Variants in MIPEP observed in about 807,000 individuals in gnomAD.
MIPEP encodes the protein mitochondrial intermediate peptidase.
Under a neutral mutation model 90.3 loss-of-function variants are expected in MIPEP, and 79 were observed. The ratio of observed to expected loss-of-function variants is 0.87; its 90% CI spans 0.73 to 1.05. MIPEP has a LOEUF of 1.05. Ranked by LOEUF, MIPEP falls within the 50% of genes least tolerant of loss-of-function variation. MIPEP has a pLI of 0.00. For missense variants in MIPEP, 940 were observed against 905.6 expected (o/e 1.04, Z -0.49); for synonymous variants, 334 against 315.8 (o/e 1.06, Z -0.61).
At chr13:23,801,245 T>C (rs79863311) in intron 16 of MIPEP, among the ~76,000 whole-genome samples, 2,507 of 152,314 alleles carry the variant, frequency 0.016, 68 homozygotes, top group African/African-American at 0.051. Context: ...GCCTTGCAGT[T>C]GTCCCATTCC....
intron 17 of MIPEP, among the ~76,000 whole-genome samples, chr13:23,759,632 A>G (rs1462056847): frequency 4.6e-5 from 7 of 152,056 alleles, no homozygotes; most frequent in Non-Finnish European, 1.0e-4. Flanking sequence ...CTTTAGAAAG[A>G]GATTGGGAAA....
chr13:23,779,887 C>T (rs1032353875), intron 16 of MIPEP, among the ~76,000 whole-genome samples: 5 of 152,226 alleles, frequency 3.3e-5, no homozygotes, highest in Non-Finnish European at 7.3e-5. Context: ...GATTGATCTG[C>T]AAGGCAGCAG....
chr13:23,780,366 A>G (rs1952767403), intron 16 of MIPEP, among the ~76,000 whole-genome samples: 1 of 152,204 alleles, frequency 6.6e-6, no homozygotes, highest in South Asian at 2.1e-4. Flanking sequence ...ACCTCCAGCA[A>G]ACTCCAACAG....
chr13:23,839,429 T>C (rs928547945), intron 12 of MIPEP, among the ~76,000 whole-genome samples: 4 of 152,240 alleles, frequency 2.6e-5, no homozygotes, highest in African/African-American at 9.6e-5. Flanking sequence ...CTATAATTAA[T>C]ACCATGACCC....
chr13:23,774,930 G>A (rs1952696603), intron 16 of MIPEP, among the ~76,000 whole-genome samples: 2 of 151,518 alleles, frequency 1.3e-5, no homozygotes, highest in African/African-American at 4.9e-5. Context: ...TGGTAGCTGG[G>A]ATTACAGGTG....
intron 14 of MIPEP, among the ~76,000 whole-genome samples, chr13:23,827,564 T>C (rs954079909): frequency 2.0e-5 from 3 of 152,202 alleles, no homozygotes; most frequent in Non-Finnish European, 4.4e-5. Context: ...ACTCACCAAC[T>C]CATTTTATGA....
intron 7 of MIPEP, among the ~76,000 whole-genome samples, chr13:23,864,651 G>A (rs1375470738): frequency 6.7e-6 from 1 of 149,498 alleles, no homozygotes; most frequent in Non-Finnish European, 1.5e-5. Flanking sequence ...CAGGAGAATA[G>A]CTTGAACCCA....
At chr13:23,856,029 T>C (rs1281110280) in intron 10 of MIPEP, among the ~76,000 whole-genome samples, 1 of 152,218 alleles carries the variant, frequency 6.6e-6, no homozygotes, top group Non-Finnish European at 1.5e-5. Flanking sequence ...CAAGTTTGAA[T>C]AGGGGCTATG....
At chr13:23,888,792 T>A in intron 1 of MIPEP, 1 of 1,062,132 alleles carries the variant, frequency 9.4e-7, no homozygotes, top group Non-Finnish European at 1.1e-6. Flanking sequence ...TAAAGGGCTT[T>A]AGCAGGGGTG....
rs1262150822 is a variant in MIPEP at position 23,869,163 on chromosome 13, TA to T, written c.943+128del. On this transcript the variant is annotated intron_variant, in intron 7 of 18. Coordinates refer to ENST00000382172, the MANE Select transcript of MIPEP (RefSeq NM_005932.4). Reference sequence around the variant, plus strand: ...TAAAAATGGTTCCTATAAAAATACATAGAAAATCTCAATAAATGGTTCTCTA... The same window carrying T: ...TAAAAATGGTTCCTATAAAAATACATGAAAATCTCAATAAATGGTTCTCTA... The T allele has an allele frequency of 6.0e-6, 5 of 831,232 alleles. No individual in the cohort carries two copies. In the African/African-American group the frequency reaches 8.7e-5, roughly 14 times the overall value. The allele number at this position is 831,232 out of a possible 1,614,324, so 51.5% of individuals were successfully genotyped here.
intron 16 of MIPEP, among the ~76,000 whole-genome samples, chr13:23,767,461 T>C (rs540023527): frequency 6.6e-6 from 1 of 151,986 alleles, no homozygotes; most frequent in South Asian, 2.1e-4. Flanking sequence ...GTAAATTTTT[T>C]TTTTTTTTGA....
intron 1 of MIPEP, among the ~76,000 whole-genome samples, chr13:23,886,846 T>C (rs1462597862): frequency 6.6e-6 from 1 of 151,768 alleles, no homozygotes; most frequent in Non-Finnish European, 1.5e-5. Context: ...TATATATATA[T>C]ATACATAAAG....
chr13:23,755,373 G>T (rs1952481109), intron 18 of MIPEP, among the ~76,000 whole-genome samples: 1 of 152,210 alleles, frequency 6.6e-6, no homozygotes, highest in Admixed American at 6.5e-5. Flanking sequence ...CTGAATAAAT[G>T]AATGGCTGAA....
At chr13:23,888,717 C>G (rs1042681853) in intron 1 of MIPEP, 2 of 1,005,160 alleles carry the variant, frequency 2.0e-6, no homozygotes, top group Non-Finnish European at 2.4e-6. Flanking sequence ...TGCAAAAAGA[C>G]CATGTGATGC....
At chr13:23,819,583 T>G (rs1189588976) in intron 14 of MIPEP, among the ~76,000 whole-genome samples, 2 of 152,148 alleles carry the variant, frequency 1.3e-5, no homozygotes, top group African/African-American at 4.8e-5. Flanking sequence ...ATTAATTTTC[T>G]AAAAATCCAG....
At chr13:23,736,732 C>T (rs1952268428) in intron 18 of MIPEP, among the ~76,000 whole-genome samples, 1 of 152,102 alleles carries the variant, frequency 6.6e-6, no homozygotes, top group African/African-American at 2.4e-5. Flanking sequence ...CGGGGCTCAT[C>T]AGAGAGAACA....
chr13:23,806,504 C>T (rs186552916), intron 15 of MIPEP, among the ~76,000 whole-genome samples: 92 of 152,128 alleles, frequency 6.0e-4, no homozygotes, highest in Non-Finnish European at 1.1e-3. Flanking sequence ...AGTGAAATCC[C>T]GTTTCTACTA....
At chr13:23,828,723 T>G (rs936899179) in intron 14 of MIPEP, among the ~76,000 whole-genome samples, 1 of 152,216 alleles carries the variant, frequency 6.6e-6, no homozygotes, top group African/African-American at 2.4e-5. Context: ...TATTCAGAGA[T>G]ATCAGTTCTC....
intron 18 of MIPEP, among the ~76,000 whole-genome samples, chr13:23,750,288 G>A (rs186841747): frequency 6.5e-4 from 99 of 152,232 alleles, no homozygotes; most frequent in Non-Finnish European, 1.2e-3. Context: ...GCCCTGGTAC[G>A]ATCAAAACTA....
Sources: allele counts gnomAD v4.1 joint callset (sites outside exome capture counted in the v4.1 genomes callset), GRCh38; gene constraint gnomAD v4.1.1; transcripts MANE v1.5; gene names NCBI Gene and HGNC (gene_info 2026-07-23, HGNC 2026-07-21).